Variants in FBXW4 observed in about 807,000 individuals in gnomAD.
FBXW4 encodes the protein F-box and WD repeat domain containing 4.
FBXW4 carries 40 observed loss-of-function variants against 61.8 expected under a neutral mutation model. The ratio of observed to expected loss-of-function variants is 0.65; its 90% CI spans 0.50 to 0.84. FBXW4 has a LOEUF of 0.84. FBXW4 is among the 40% of genes least tolerant of loss of function. The pLI is 0.00. For synonymous variants in FBXW4, 311 were observed against 313.8 expected, an observed-to-expected ratio of 0.99 and a Z score of 0.10; for missense variants, 672 against 753.8, an observed-to-expected ratio of 0.89 and a Z score of 1.27.
At chr10:101,639,734 G>A (rs934814799) in intron 5 of FBXW4, among the ~76,000 whole-genome samples, 7 of 152,198 alleles carry the variant, frequency 4.6e-5, no homozygotes, top group Admixed American at 3.3e-4. Context: ...CATGGAATAA[G>A]CTGGTCAGCT....
chr10:101,611,551 C>T lies in FBXW4; in HGVS notation c.1584+77G>A. ...CAACCCTTTCTAGGCACGTCCTTGG[C>T]TACCTCACCCTCTCCCAAATGCAGC... is the stretch of plus-strand genomic sequence containing the variant. On this transcript the variant is annotated intron_variant, in intron 8 of 8. Transcript: ENST00000331272. This position sits in a 1 kb window ranked among gnomAD's most constrained non-coding sequence, Gnocchi z 4.9. The T allele has an allele frequency of 1.9e-6, 3 of 1,585,518 alleles. No homozygotes were observed. Among genetic ancestry groups the T allele is most frequent in the East Asian group, 2.2e-5 (1 of 44,452 alleles).
chr10:101,611,301 T>C lies in FBXW4; in HGVS notation c.1694A>G (p.Gln565Arg). The C allele has an allele frequency of 1.2e-6, 2 of 1,613,818 alleles. No individual in the cohort carries two copies. Residue 565 changes from glutamine to arginine, a missense_variant, in exon 9 of 9, where the codon CAA becomes CGA. Gln to Arg is a conservative substitution (Grantham distance 43). Coordinates refer to ENST00000331272, the MANE Select transcript of FBXW4 (RefSeq NM_022039.4). This position sits in a 1 kb window ranked among gnomAD's most constrained non-coding sequence, Gnocchi z 4.9. ...GGGTGGCCCTGACGGTCATGGGTTT[T>C]GAAAATCCAGGACGTGGAGGTTGTA... is the stretch of plus-strand genomic sequence containing the variant. ...LSYNLHVLDF[Q>R]NP
intron 5 of FBXW4, among the ~76,000 whole-genome samples, chr10:101,657,510 T>C (rs1280636267): frequency 6.6e-6 from 1 of 151,998 alleles, no homozygotes; most frequent in African/African-American, 2.4e-5. Flanking sequence ...GATGCTTGCC[T>C]GTAGTACCAG....
Sources: gnomAD v4.1 joint callset for allele counts (sites outside exome capture counted in the v4.1 genomes callset) on GRCh38, gnomAD v4.1.1 for gene constraint, Gnocchi (gnomAD v3.1) non-coding constraint, MANE v1.5 for transcripts, NCBI Gene and HGNC (gene_info 2026-07-23, HGNC 2026-07-21) for gene names.